Variants in RAB3C observed in about 807,000 individuals in gnomAD.
The protein encoded by RAB3C is ras-related protein Rab-3C.
In RAB3C, 17 loss-of-function variants were observed where a neutral mutation model predicts 26.4. That is an observed-to-expected ratio of 0.64 (90% CI 0.44 to 0.97). The LOEUF is 0.97. RAB3C is among the 50% of genes least tolerant of loss of function. The pLI is 0.00. For missense variants in RAB3C, 242 were observed against 281.9 expected (o/e 0.86, Z 1.01); for synonymous variants, 91 against 95.9 (o/e 0.95, Z 0.30).
chr5:58,764,712 T>TA (rs139997066), intron 3 of RAB3C, among the ~76,000 whole-genome samples: 16,682 of 151,698 alleles, frequency 0.11, 1,224 homozygotes, highest in Non-Finnish European at 0.18. Flanking sequence ...CTCTCTTGGT[T>TA]AAAAAAAAAT....
At chr5:58,739,523 AT>A (rs1413520894) in intron 3 of RAB3C, among the ~76,000 whole-genome samples, 1 of 152,226 alleles carries the variant, frequency 6.6e-6, no homozygotes, top group African/African-American at 2.4e-5. Flanking sequence ...AAACAAAAAA[AT>A]AAAGAGACAT....
upstream of RAB3C, chr5:58,582,958 T>G: frequency 5.0e-6 from 5 of 995,912 alleles, no homozygotes; most frequent in South Asian, 2.1e-5. Context: ...TTGCCGGGAG[T>G]TGTAGTTCAC....
intron 3 of RAB3C, among the ~76,000 whole-genome samples, chr5:58,743,470 T>G (rs922763700): frequency 6.6e-6 from 1 of 152,056 alleles, no homozygotes. Context: ...TAGGTATACA[T>G]GTGCTATGGT....
chr5:58,671,030 C>A (rs532953163), intron 2 of RAB3C, among the ~76,000 whole-genome samples: 1 of 152,170 alleles, frequency 6.6e-6, no homozygotes, highest in South Asian at 2.1e-4. Flanking sequence ...TCTGTGGGCC[C>A]CAGTTTATTT....
At chr5:58,626,072 A>G (rs992561010) in intron 2 of RAB3C, among the ~76,000 whole-genome samples, 2 of 152,194 alleles carry the variant, frequency 1.3e-5, no homozygotes, top group Admixed American at 1.3e-4. Context: ...CAGGATTATC[A>G]GCATCTGATG....
intron 2 of RAB3C, among the ~76,000 whole-genome samples, chr5:58,625,101 G>A (rs867300019): frequency 1.8e-4 from 27 of 152,324 alleles, no homozygotes; most frequent in Middle Eastern, 3.4e-3. Context: ...GCAGATTTAA[G>A]TATGGACCAC....
chr5:58,798,512 G>T (rs1320807555), intron 3 of RAB3C, among the ~76,000 whole-genome samples: 1 of 151,954 alleles, frequency 6.6e-6, no homozygotes, highest in Non-Finnish European at 1.5e-5. Flanking sequence ...ATCCAAAAGA[G>T]GACCAACATG....
chr5:58,826,820 G>T (rs1743492213), intron 4 of RAB3C, among the ~76,000 whole-genome samples: 1 of 152,188 alleles, frequency 6.6e-6, no homozygotes, highest in Non-Finnish European at 1.5e-5. Context: ...GGATTAATCT[G>T]CTGGTGTTGT....
At chr5:58,693,706 C>A (rs1213462671) in intron 2 of RAB3C, among the ~76,000 whole-genome samples, 1 of 152,272 alleles carries the variant, frequency 6.6e-6, no homozygotes, top group East Asian at 1.9e-4. Flanking sequence ...AGTACAGTAC[C>A]TTTTCATATA....
chr5:58,728,457 T>C (rs1740935478), intron 3 of RAB3C, among the ~76,000 whole-genome samples: 1 of 152,192 alleles, frequency 6.6e-6, no homozygotes, highest in African/African-American at 2.4e-5. Context: ...AAACCATTCA[T>C]TTAGGAGTCT....
chr5:58,620,082 A>T (rs77404089), intron 2 of RAB3C, among the ~76,000 whole-genome samples: 2 of 147,130 alleles, frequency 1.4e-5, no homozygotes, highest in South Asian at 2.1e-4. Context: ...GTTTCTTATT[A>T]AAAAAAAAAC....
At chr5:58,709,255 G>A (rs1159335055) in intron 2 of RAB3C, among the ~76,000 whole-genome samples, 5 of 152,062 alleles carry the variant, frequency 3.3e-5, no homozygotes, top group African/African-American at 1.2e-4. Flanking sequence ...TTGTCTTTTG[G>A]CATTTCAGTC....
At position 58,676,494 on chromosome 5, in the gene RAB3C, C is replaced by T. The variant is rs542315832; in HGVS notation, c.253-49508C>T. Among the ~76,000 whole-genome samples, 27 of 152,120 alleles carry T rather than the reference C, an allele frequency of 1.8e-4. 1 individual carries two copies. In the South Asian group the frequency reaches 5.4e-3, roughly 30 times the overall value. Reference sequence around the variant, plus strand: ...CTCCAATGTGGGCAACAGAGCAAGACTCTGTTGCCAAAAAAAATAATAAAA... The same window carrying T: ...CTCCAATGTGGGCAACAGAGCAAGATTCTGTTGCCAAAAAAAATAATAAAA... On this transcript the variant is annotated intron_variant, in intron 2 of 4. Coordinates refer to ENST00000282878, the MANE Select transcript of RAB3C (RefSeq NM_138453.4).
At chr5:58,813,777 G>GAGATATTATTTAACTCTGGACTTA (rs1554020433) in intron 3 of RAB3C, among the ~76,000 whole-genome samples, 6 of 152,028 alleles carry the variant, frequency 3.9e-5, no homozygotes, top group African/African-American at 4.8e-5. Flanking sequence ...GATATTCAGT[G>GAGATATTATTTAACTCTGGACTTA]AATGCACACA....
At chr5:58,589,115 G>A (rs1343159305) in intron 1 of RAB3C, among the ~76,000 whole-genome samples, 1 of 152,114 alleles carries the variant, frequency 6.6e-6, no homozygotes, top group African/African-American at 2.4e-5. Flanking sequence ...CTCGGTTGAT[G>A]AGAAAATTTG....
chr5:58,610,648 A>G (rs1371622016), intron 1 of RAB3C, among the ~76,000 whole-genome samples: 1 of 151,956 alleles, frequency 6.6e-6, no homozygotes, highest in African/African-American at 2.4e-5. Context: ...TCAAAGAATA[A>G]TTGCATTTTT....
At chr5:58,645,395 G>T (rs150141367) in intron 2 of RAB3C, among the ~76,000 whole-genome samples, 451 of 152,286 alleles carry the variant, frequency 3.0e-3, no homozygotes, top group African/African-American at 9.9e-3. Context: ...GATTTACAAA[G>T]ATGCATGAAA....
chr5:58,682,949 A>G (rs973671879), intron 2 of RAB3C, among the ~76,000 whole-genome samples: 4 of 152,206 alleles, frequency 2.6e-5, no homozygotes, highest in Admixed American at 6.5e-5. Flanking sequence ...CCTTAGCTCT[A>G]TAGTGTTCTG....
chr5:58,743,555 C>G (rs1741325912), intron 3 of RAB3C, among the ~76,000 whole-genome samples: 1 of 152,134 alleles, frequency 6.6e-6, no homozygotes, highest in African/African-American at 2.4e-5. Flanking sequence ...AATGCTCTCC[C>G]TCCCCCTTGG....
Sources: allele counts gnomAD v4.1 joint callset (sites outside exome capture counted in the v4.1 genomes callset), GRCh38; gene constraint gnomAD v4.1.1; transcripts MANE v1.5; gene names NCBI Gene and HGNC (gene_info 2026-07-23, HGNC 2026-07-21).